Variants in TENM1 observed in about 807,000 individuals in gnomAD.
The protein encoded by TENM1 is teneurin-1.
In TENM1, 35 loss-of-function variants were observed where a neutral mutation model predicts 174.8. That is an observed-to-expected ratio of 0.20 (90% CI 0.15 to 0.27). TENM1 has a LOEUF of 0.27. TENM1 is among the 10% of genes least tolerant of loss of function. TENM1 has a pLI of 1.00. For synonymous variants in TENM1, 781 were observed against 798.7 expected (o/e 0.98, Z 0.37); for missense variants, 1,633 against 2,130.1 (o/e 0.77, Z 4.59).
In TENM1 at chrX:124,846,159, T is replaced by G. The variant is rs1434761724; in HGVS notation, c.535+48137A>C. ...GGGAAAAAAGTAACCTTTAGTACTT[T>G]TGTCCTGCTAGGAAATTGCTGACCT... On this transcript the variant is annotated intron_variant, in intron 3 of 31. Transcript: ENST00000422452. 2.7e-5 allele frequency among the ~76,000 whole-genome samples: 3 copies of G among 110,202 alleles called. No homozygotes were observed. In the East Asian group the frequency reaches 8.6e-4, roughly 32 times the overall value.
intron 3 of TENM1, among the ~76,000 whole-genome samples, chrX:124,793,955 C>T (rs2055243505): frequency 9.1e-6 from 1 of 110,420 alleles, no homozygotes; most frequent in Admixed American, 9.8e-5. Context: ...GGCCCCTTGC[C>T]CTCTGGACTG....
At chrX:125,135,910 T>C in the TENM1 span, among the ~76,000 whole-genome samples, 1 of 112,030 alleles carries the variant, frequency 8.9e-6, no homozygotes, top group Non-Finnish European at 1.9e-5. Flanking sequence ...TGTTGGACTA[T>C]GTGTCCTAAT....
At chrX:125,123,032 T>G in the TENM1 span, among the ~76,000 whole-genome samples, 1 of 111,668 alleles carries the variant, frequency 9.0e-6, no homozygotes, top group African/African-American at 3.3e-5. Flanking sequence ...CTGTAGTGAC[T>G]GGGCTTTTTC....
chrX:124,687,005 T>C (rs1269376773), intron 5 of TENM1, among the ~76,000 whole-genome samples: 4 of 111,622 alleles, frequency 3.6e-5, no homozygotes, highest in Non-Finnish European at 7.5e-5. Flanking sequence ...CATGATCCTA[T>C]ATTTAGAAAA....
At chrX:125,167,691 G>A in the TENM1 span, among the ~76,000 whole-genome samples, 6 of 111,037 alleles carry the variant, frequency 5.4e-5, no homozygotes, top group Admixed American at 1.9e-4. Flanking sequence ...AAGTGGGCAC[G>A]GTAAATTTTG....
At chrX:124,823,965 C>T (rs2147303883) in intron 3 of TENM1, among the ~76,000 whole-genome samples, 1 of 111,210 alleles carries the variant, frequency 9.0e-6, no homozygotes, top group East Asian at 2.8e-4. Context: ...TCATGAAAAA[C>T]ACCCCATGCC....
the TENM1 span, among the ~76,000 whole-genome samples, chrX:125,046,736 C>T: frequency 2.7e-5 from 3 of 111,150 alleles, no homozygotes; most frequent in African/African-American, 9.8e-5. Flanking sequence ...CTTTTCATGC[C>T]CCCAAATGAA....
chrX:124,913,126 T>G (rs1214821119), intron 1 of TENM1, among the ~76,000 whole-genome samples: 1 of 111,367 alleles, frequency 9.0e-6, no homozygotes, highest in African/African-American at 3.3e-5. Flanking sequence ...TTAAAAGAGA[T>G]ACTGGATTTT....
At chrX:124,993,771 A>C in the TENM1 span, among the ~76,000 whole-genome samples, 1 of 110,955 alleles carries the variant, frequency 9.0e-6, no homozygotes, top group South Asian at 3.8e-4. Context: ...AGATTATAAT[A>C]TTTACTATAT....
chrX:124,772,785 A>T (rs1192000903), intron 3 of TENM1, among the ~76,000 whole-genome samples: 2 of 111,289 alleles, frequency 1.8e-5, no homozygotes, highest in Non-Finnish European at 3.8e-5. Context: ...ACCTTTTCTT[A>T]TTTTCATGAA....
intron 22 of TENM1, among the ~76,000 whole-genome samples, chrX:124,459,218 C>T (rs1279399456): frequency 1.8e-5 from 2 of 111,414 alleles, no homozygotes; most frequent in Non-Finnish European, 3.8e-5. Context: ...TCTAGATGAG[C>T]CTAGTATGTA....
intron 1 of TENM1, among the ~76,000 whole-genome samples, chrX:124,932,734 T>C (rs1447414865): frequency 1.8e-5 from 2 of 111,867 alleles, no homozygotes; most frequent in African/African-American, 6.5e-5. Flanking sequence ...ACCTTCAGCA[T>C]GAGTCTCAGT....
exon 25 of TENM1, chrX:124,420,375 A>G (rs1232037242): frequency 8.3e-7 from 1 of 1,209,958 alleles, no homozygotes; most frequent in African/African-American, 1.7e-5. Context: ...TTTCCTGGAT[A>G]GGTCATTAAG....
At position 124,588,745 on chromosome X, in the gene TENM1, C is replaced by G. The variant is rs755525775; in HGVS notation, c.2078-23185G>C. On this transcript the variant is annotated intron_variant, in intron 11 of 31. Coordinates refer to ENST00000422452, the Ensembl canonical transcript of TENM1. ...ATGCTATTTATTTTTGTACATTGAT[C>G]TGTGTATCCTGAAACTTTACTGAAG... is the stretch of plus-strand genomic sequence containing the variant. 1.3e-4 allele frequency among the ~76,000 whole-genome samples: 14 copies of G among 111,590 alleles called. No individual in the cohort carries two copies. The South Asian group carries it at 5.3e-3, about 43-fold the overall frequency.
chrX:124,898,803 T>A (rs930261821), intron 1 of TENM1, among the ~76,000 whole-genome samples: 2 of 111,952 alleles, frequency 1.8e-5, no homozygotes, highest in African/African-American at 3.2e-5. Flanking sequence ...TGATTAAAAA[T>A]TACATAGAAT....
chrX:124,803,758 T>A (rs2055515866), intron 3 of TENM1, among the ~76,000 whole-genome samples: 2 of 112,203 alleles, frequency 1.8e-5, no homozygotes, highest in African/African-American at 3.2e-5. Context: ...AAAAATTTTT[T>A]AAAGGACAAA....
chrX:124,918,787 A>T (rs745809564), intron 1 of TENM1, among the ~76,000 whole-genome samples: 4 of 111,568 alleles, frequency 3.6e-5, no homozygotes, highest in African/African-American at 6.5e-5. Context: ...GGCATTATTC[A>T]CTTTACAGAT....
intron 3 of TENM1, among the ~76,000 whole-genome samples, chrX:124,883,342 T>C (rs1242663911): frequency 8.9e-6 from 1 of 112,197 alleles, no homozygotes; most frequent in Non-Finnish European, 1.9e-5. Flanking sequence ...ATCAGTAGTG[T>C]CTATGATGTC....
the TENM1 span, among the ~76,000 whole-genome samples, chrX:125,193,345 C>T: frequency 8.9e-6 from 1 of 112,129 alleles, no homozygotes; most frequent in African/African-American, 3.2e-5. Flanking sequence ...ACAGCAAGTA[C>T]TTTGTTGAAT....
Sources: gnomAD v4.1 joint callset for allele counts (sites outside exome capture counted in the v4.1 genomes callset) on GRCh38, gnomAD v4.1.1 for gene constraint, MANE v1.5 for transcripts, NCBI Gene and HGNC (gene_info 2026-07-23, HGNC 2026-07-21) for gene names.